The following FYB1 variants were observed in gnomAD, a reference collection of about 807,000 sequenced individuals.
The protein encoded by FYB1 is FYN binding protein 1.
A neutral mutation model predicts 94.1 loss-of-function variants in FYB1; 41 were observed. That is an observed-to-expected ratio of 0.44 (90% CI 0.34 to 0.57). The LOEUF (loss-of-function observed/expected upper bound fraction) is 0.57, where lower values mean the gene tolerates loss of function less well. FYB1 is among the 20% of genes least tolerant of loss of function. FYB1 has a pLI of 0.02. For missense variants in FYB1, 1,050 were observed against 976.8 expected (o/e 1.07, Z -1.00); for synonymous variants, 367 against 353.2 (o/e 1.04, Z -0.44).
chr5:39,224,084 A>AT (rs1482936556), upstream of FYB1, among the ~76,000 whole-genome samples: 1 of 152,140 alleles, frequency 6.6e-6, no homozygotes, highest in Non-Finnish European at 1.5e-5. Context: ...TAGCAATTAT[A>AT]TTTTTCCACA....
Position 39,199,595 on chromosome 5 carries a change from A to G in FYB1, c.1135+2231T>C, listed in dbSNP as rs57199931. On this transcript the variant is annotated intron_variant, in intron 2 of 18. Transcript: ENST00000512982. ...TATACAGGATTTATTTATTTTAAAA[A>G]TACAAGGATCAGAGCATTGCACATA... Among the ~76,000 whole-genome samples the G allele has an allele frequency of 8.2e-3, 1,245 of 152,300 alleles. 15 individuals are homozygous for G. The highest frequency in any genetic ancestry group is 0.028 in the African/African-American group (1,165 of 41,554).
intron 10 of FYB1, among the ~76,000 whole-genome samples, chr5:39,129,701 T>C (rs569183261): frequency 9.2e-5 from 14 of 151,976 alleles, no homozygotes; most frequent in African/African-American, 3.1e-4. Flanking sequence ...AACAGGCATA[T>C]GAAAAAATGC....
chr5:39,184,503 C>A (rs1207397655), intron 2 of FYB1, among the ~76,000 whole-genome samples: 1 of 152,148 alleles, frequency 6.6e-6, no homozygotes, highest in Admixed American at 6.5e-5. Flanking sequence ...GTAATACTCA[C>A]AGACTACAAA....
At chr5:39,127,859 T>C in intron 10 of FYB1, 52 bp from the exon 11 acceptor site, 2 of 1,506,822 alleles carry the variant, frequency 1.3e-6, no homozygotes, top group East Asian at 2.4e-5. Flanking sequence ...TTTGGCCATG[T>C]AATGCTCACT....
In FYB1 at chr5:39,145,722, C is replaced by T. The variant is rs149605397; in HGVS notation, c.1293-4581G>A. ...ACAAGGTTCTTATGATCAATCTTGC[C>T]CTGTAAAGCTTTATTTCTCATATTT... is the stretch of plus-strand genomic sequence containing the variant. On this transcript the variant is annotated intron_variant, in intron 3 of 18. Coordinates refer to ENST00000512982, the MANE Select transcript of FYB1 (RefSeq NM_001465.6). 2.3e-3 allele frequency among the ~76,000 whole-genome samples: 343 copies of T among 151,912 alleles called. 1 individual carries two copies. The highest frequency in any genetic ancestry group is 7.7e-3 in the African/African-American group (319 of 41,440).
At chr5:39,190,160 C>T (rs748407163) in intron 2 of FYB1, among the ~76,000 whole-genome samples, 12 of 152,170 alleles carry the variant, frequency 7.9e-5, no homozygotes, top group Non-Finnish European at 1.5e-4. Flanking sequence ...CTCAGTAGTT[C>T]AGAATTCAGC....
At chr5:39,148,175 A>ATATATATATGTATTT (rs1742901819) in intron 3 of FYB1, among the ~76,000 whole-genome samples, 2 of 49,834 alleles carry the variant, frequency 4.0e-5, no homozygotes, top group African/African-American at 1.3e-4. Context: ...ATATATATAT[A>ATATATATATGTATTT]TATATATATA....
intron 2 of FYB1, among the ~76,000 whole-genome samples, chr5:39,191,032 T>C (rs886549766): frequency 2.0e-5 from 3 of 152,184 alleles, no homozygotes; most frequent in Non-Finnish European, 4.4e-5. Context: ...TTTCCACAAA[T>C]ACAGGTTTCT....
intron 4 of FYB1, 79 bp from the exon 5 acceptor site, chr5:39,139,331 A>G: frequency 1.7e-6 from 2 of 1,185,970 alleles, no homozygotes; most frequent in East Asian, 5.5e-5. Flanking sequence ...ATATGATATA[A>G]TAATATTCAA....
intron 1 of FYB1, among the ~76,000 whole-genome samples, chr5:39,248,616 C>T (rs942273674): frequency 1.3e-5 from 2 of 152,128 alleles, no homozygotes; most frequent in African/African-American, 4.8e-5. Context: ...AGGTGGGGAT[C>T]ACTTGAGGTC....
At chr5:39,265,767 T>C (rs1174830643) in intron 1 of FYB1, among the ~76,000 whole-genome samples, 1 of 152,222 alleles carries the variant, frequency 6.6e-6, no homozygotes, top group Admixed American at 6.5e-5. Flanking sequence ...ACCCTAAGTG[T>C]AACCCGTGGG....
intron 3 of FYB1, among the ~76,000 whole-genome samples, chr5:39,141,574 G>C (rs1316592828): frequency 6.6e-6 from 1 of 152,194 alleles, no homozygotes; most frequent in Admixed American, 6.5e-5. Flanking sequence ...TGGATCACTT[G>C]AAGTCAGGAG....
chr5:39,132,917 T>A (rs12108718), intron 9 of FYB1, among the ~76,000 whole-genome samples: 8,148 of 152,282 alleles, frequency 0.054, 735 homozygotes, highest in African/African-American at 0.19. Context: ...AACTGGCATT[T>A]ACTGACTCAC....
rs1174676697 is a variant in FYB1, at chr5:39,202,025, C to T, written c.936G>A (p.Arg312=). ...TCAGCTTAGAAGGGGCCTTAGGGAA[C>T]CTGGCAGGAGGAGTCCCTGAGGCCA... ...EELASGTPPA[R]FPKAPSKLTV... The change falls in exon 2 of 19, where the codon AGG becomes AGA. Residue 312 remains arginine, a synonymous_variant. Transcript: ENST00000512982. The T allele has an allele frequency of 3.1e-6, 5 of 1,613,888 alleles. No homozygotes were observed. Among genetic ancestry groups the T allele is most frequent in the African/African-American group, 1.3e-5 (1 of 74,938 alleles).
chr5:39,112,641 GT>G (rs1460426383), intron 16 of FYB1, among the ~76,000 whole-genome samples: 2 of 151,970 alleles, frequency 1.3e-5, no homozygotes, highest in Non-Finnish European at 2.9e-5. Flanking sequence ...AATGTTGCAG[GT>G]TTGGATAAAA....
chr5:39,214,608 G>A lies in FYB1; in HGVS notation c.-28+4835C>T, dbSNP rs559594890. On this transcript the variant is annotated intron_variant, in intron 1 of 18. Coordinates refer to ENST00000512982, the MANE Select transcript of FYB1 (RefSeq NM_001465.6). ...CAAGGAGAAACCTTGAAGACATTAC[G>A]CCAAGTGAAATAAGCCAGTCACGAA... Among the ~76,000 whole-genome samples the A allele has an allele frequency of 2.6e-5, 4 of 152,284 alleles. No individual in the cohort carries two copies. In the East Asian group the frequency reaches 5.8e-4, roughly 22 times the overall value.
intron 1 of FYB1, chr5:39,250,858 G>C (rs1252303443): frequency 6.6e-6 from 1 of 152,130 alleles, no homozygotes; most frequent in African/African-American, 2.4e-5. Context: ...AACAAAAATG[G>C]ATGACGTCTT....
At chr5:39,256,977 C>G (rs904117482) in intron 1 of FYB1, among the ~76,000 whole-genome samples, 1 of 152,164 alleles carries the variant, frequency 6.6e-6, no homozygotes, top group African/African-American at 2.4e-5. Flanking sequence ...TTCAGCCTCC[C>G]AAACATCTGT....
At chr5:39,171,456 C>T (rs958430609) in intron 2 of FYB1, among the ~76,000 whole-genome samples, 1 of 152,160 alleles carries the variant, frequency 6.6e-6, no homozygotes, top group African/African-American at 2.4e-5. Context: ...GAATTAGAAA[C>T]TCTGGGTCTG....
Sources: allele counts gnomAD v4.1 joint callset (sites outside exome capture counted in the v4.1 genomes callset), GRCh38; gene constraint gnomAD v4.1.1; transcripts MANE v1.5; gene names NCBI Gene and HGNC (gene_info 2026-07-23, HGNC 2026-07-21).